The following PLA2G4A variants were observed in gnomAD, a reference collection of about 807,000 sequenced individuals.
The protein encoded by PLA2G4A is phospholipase A2 group IVA.
PLA2G4A carries 40 observed loss-of-function variants against 81.9 expected under a neutral mutation model. The ratio of observed to expected loss-of-function variants is 0.49; its 90% confidence interval spans 0.38 to 0.64. The LOEUF (loss-of-function observed/expected upper bound fraction) is 0.64, where lower values mean the gene tolerates loss of function less well. Ranked by LOEUF, PLA2G4A falls within the 30% of genes least tolerant of loss-of-function variation. The probability of loss-of-function intolerance (pLI) is 0.00; values close to 1 mark genes in which losing one functional copy is unlikely to be tolerated. For missense variants in PLA2G4A, 715 were observed against 905.1 expected (o/e 0.79, Z 2.69); for synonymous variants, 302 against 296.9 (o/e 1.02, Z -0.18).
chr1:186,946,045 A>T (rs11587539), intron 10 of PLA2G4A, among the ~76,000 whole-genome samples: 39,703 of 151,990 alleles, frequency 0.26, 6,874 homozygotes, highest in Non-Finnish European at 0.39. Context: ...GCAAAATAGG[A>T]TTTGATCCCA....
At chr1:186,953,761 G>A (rs1656647254) in intron 13 of PLA2G4A, among the ~76,000 whole-genome samples, 1 of 152,212 alleles carries the variant, frequency 6.6e-6, no homozygotes, top group African/African-American at 2.4e-5. Flanking sequence ...TATGTTGACT[G>A]TTGGGTTTGT....
At position 186,956,275 on chromosome 1, in the gene PLA2G4A, C is replaced by T. The variant is rs530995442; in HGVS notation, c.1510C>T (p.Leu504=). 6.2e-7 allele frequency: 1 copy of T among 1,613,550 alleles called. No homozygotes were observed. Among genetic ancestry groups the T allele is most frequent in the South Asian group, 1.1e-5 (1 of 91,074 alleles). ...LGLNLNTSYP[L]SPLSDFATQD... The stretch of plus-strand genomic sequence containing the variant: ...CTTGAATCTCAATACATCTTATCCA[C>T]TGTCTCCTTTGAGTGACTTTGCCAC... The change falls in exon 14 of 18, where the codon CTG becomes TTG. Residue 504 remains leucine (L), a synonymous_variant. Transcript: ENST00000367466.
intron 5 of PLA2G4A, among the ~76,000 whole-genome samples, chr1:186,898,921 T>C (rs1224190790): frequency 1.3e-5 from 2 of 152,198 alleles, no homozygotes; most frequent in African/African-American, 2.4e-5. Flanking sequence ...AATTCATTCA[T>C]TTGACAAATA....
At chr1:186,949,578 T>A (rs970047600) in intron 12 of PLA2G4A, among the ~76,000 whole-genome samples, 4 of 152,134 alleles carry the variant, frequency 2.6e-5, no homozygotes, top group African/African-American at 9.7e-5. Context: ...GAAATGAAAC[T>A]AATAATATTA....
chr1:186,900,476 GT>G (rs1009777923), intron 5 of PLA2G4A, among the ~76,000 whole-genome samples: 20 of 152,174 alleles, frequency 1.3e-4, no homozygotes, highest in African/African-American at 4.8e-4. Context: ...ATACTTATTT[GT>G]TTGAACTTAC....
chr1:186,867,628 C>A (rs1044211187), intron 2 of PLA2G4A, among the ~76,000 whole-genome samples: 40 of 151,842 alleles, frequency 2.6e-4, no homozygotes, highest in African/African-American at 9.7e-4. Context: ...TCTACATAGA[C>A]GTTCATGTTA....
chr1:186,830,989 T>G (rs181757362), intron 1 of PLA2G4A, among the ~76,000 whole-genome samples: 2,054 of 140,480 alleles, frequency 0.015, 54 homozygotes, highest in African/African-American at 0.048. Context: ...TTTCTTTCTT[T>G]CTTTCTTTCT....
rs1004253900 is a variant in PLA2G4A at position 186,968,231 on chromosome 1, T to C, written c.1764+2638T>C. ...GGTTTTGGAATATCACTTTGTACCT[T>C]TAAAAAGAATCATTATACTTGGCAG... is the stretch of plus-strand genomic sequence containing the variant. On this transcript the variant is annotated intron_variant, in intron 15 of 17. Coordinates refer to ENST00000367466, the MANE Select transcript of PLA2G4A (RefSeq NM_024420.3). 2.0e-5 allele frequency among the ~76,000 whole-genome samples: 3 copies of C among 152,104 alleles called. 1 individual carries two copies. The highest frequency in any genetic ancestry group is 2.0e-4 in the Admixed American group (3 of 15,250).
intron 7 of PLA2G4A, among the ~76,000 whole-genome samples, chr1:186,931,517 C>CTATTATTAT (rs3060324): frequency 4.8e-5 from 7 of 144,964 alleles, no homozygotes; most frequent in African/African-American, 1.3e-4. Flanking sequence ...AAAATGTTTG[C>CTATTATTAT]TATTATTATT....
chr1:186,950,007 C>G (rs1373833452), intron 12 of PLA2G4A, among the ~76,000 whole-genome samples: 1 of 152,278 alleles, frequency 6.6e-6, no homozygotes, highest in Admixed American at 6.5e-5. Flanking sequence ...TGCAGGCCAG[C>G]CTGGGTAACC....
chr1:186,832,665 G>C (rs1487860357), intron 1 of PLA2G4A, among the ~76,000 whole-genome samples: 1 of 151,990 alleles, frequency 6.6e-6, no homozygotes, highest in Non-Finnish European at 1.5e-5. Flanking sequence ...TTTTCATAGT[G>C]GCCACTTATA....
In PLA2G4A at chr1:186,881,928, G is replaced by A. The variant is rs145489365; in HGVS notation, c.116-11083G>A. On this transcript the variant is annotated intron_variant, in intron 3 of 17. Transcript: ENST00000367466. ...TCATGTGAGACTCTTGGACACAGGA[G>A]TGAATAGGAAGGCTGTGCTCACTGC... Among the ~76,000 whole-genome samples, 97 of 152,190 alleles carry A rather than the reference G, an allele frequency of 6.4e-4. 1 individual carries two copies. Among genetic ancestry groups the A allele is most frequent in the Middle Eastern group, 3.4e-3 (1 of 294 alleles).
chr1:186,973,392 T>C (rs1657423452), intron 15 of PLA2G4A, among the ~76,000 whole-genome samples: 2 of 152,320 alleles, frequency 1.3e-5, no homozygotes, highest in South Asian at 4.1e-4. Flanking sequence ...TCATTGAATT[T>C]AGGGCCCACC....
chr1:186,910,981 T>C (rs1470726191), intron 6 of PLA2G4A, among the ~76,000 whole-genome samples: 1 of 152,226 alleles, frequency 6.6e-6, no homozygotes, highest in Non-Finnish European at 1.5e-5. Flanking sequence ...TGTTATAATA[T>C]TCAACTTATC....
chr1:186,911,520 T>C, intron 7 of PLA2G4A, 131 bp downstream of exon 7: 1 of 736,064 alleles, frequency 1.4e-6, no homozygotes, highest in Non-Finnish European at 2.4e-6. Flanking sequence ...TAAGGTAAGG[T>C]AAGTGATTTG....
chr1:186,867,931 GC>G (rs1266298290), intron 2 of PLA2G4A, among the ~76,000 whole-genome samples: 1 of 151,902 alleles, frequency 6.6e-6, no homozygotes, highest in African/African-American at 2.4e-5. Flanking sequence ...TTTGTCAAAT[GC>G]TTTTTATTCA....
intron 8 of PLA2G4A, among the ~76,000 whole-genome samples, chr1:186,934,996 A>C (rs1346358281): frequency 6.6e-6 from 1 of 152,058 alleles, no homozygotes; most frequent in East Asian, 1.9e-4. Context: ...CAAGAATTTA[A>C]TTCATGGAAC....
intron 14 of PLA2G4A, among the ~76,000 whole-genome samples, chr1:186,964,468 G>C (rs1259779207): frequency 2.0e-5 from 3 of 152,036 alleles, no homozygotes; most frequent in Admixed American, 2.0e-4. Flanking sequence ...GCTCCTTGCT[G>C]TCCTCAAACA....
At chr1:186,961,935 A>C (rs1409156268) in intron 14 of PLA2G4A, among the ~76,000 whole-genome samples, 1 of 152,166 alleles carries the variant, frequency 6.6e-6, no homozygotes, top group Non-Finnish European at 1.5e-5. Flanking sequence ...AGAAATAAAT[A>C]ATTCAGAGTT....
Sources: allele counts gnomAD v4.1 joint callset (sites outside exome capture counted in the v4.1 genomes callset), GRCh38; gene constraint gnomAD v4.1.1; transcripts MANE v1.5; gene names NCBI Gene and HGNC (gene_info 2026-07-23, HGNC 2026-07-21).